DOK6: variants seen among roughly 807,000 people sequenced by gnomAD.
The protein encoded by DOK6 is docking protein 6.
Under a neutral mutation model 44.0 loss-of-function variants are expected in DOK6, and 22 were observed. The observed-to-expected ratio is 0.50, with a 90% CI of 0.36 to 0.71. The LOEUF is 0.71. DOK6 is among the 30% of genes least tolerant of loss of function. The pLI is 0.00. For synonymous variants in DOK6, 166 were observed against 145.5 expected, an observed-to-expected ratio of 1.14 and a Z score of -1.01; for missense variants, 340 against 416.4, an observed-to-expected ratio of 0.82 and a Z score of 1.60.
intron 3 of DOK6, among the ~76,000 whole-genome samples, chr18:69,665,134 T>C (rs1023492696): frequency 6.6e-6 from 1 of 151,992 alleles, no homozygotes; most frequent in Non-Finnish European, 1.5e-5. Flanking sequence ...TGAGCCGAGA[T>C]TGTGCCACTG....
chr18:69,434,410 TA>T (rs1360922350), intron 1 of DOK6, among the ~76,000 whole-genome samples: 5 of 152,134 alleles, frequency 3.3e-5, no homozygotes, highest in African/African-American at 1.2e-4. Flanking sequence ...ATGAAAGAAG[TA>T]ACAAGTGCCC....
intron 5 of DOK6, among the ~76,000 whole-genome samples, chr18:69,706,053 G>C (rs559796185): frequency 6.6e-6 from 1 of 152,174 alleles, no homozygotes; most frequent in African/African-American, 2.4e-5. Flanking sequence ...GGTCTCAAGC[G>C]AGAGAACTTG....
At chr18:69,832,439 T>C (rs2145133470) in intron 7 of DOK6, 1 of 152,290 alleles carries the variant, frequency 6.6e-6, no homozygotes, top group African/African-American at 2.4e-5. Flanking sequence ...TACTATTTTG[T>C]TGAGAATTTT....
intron 7 of DOK6, among the ~76,000 whole-genome samples, chr18:69,836,711 A>C (rs1349064913): frequency 6.6e-6 from 1 of 152,152 alleles, no homozygotes; most frequent in Non-Finnish European, 1.5e-5. Context: ...TCTGGAGGAA[A>C]AGTTTAGGAA....
In DOK6 at chr18:69,842,033, CAT is replaced by C. The variant is rs999870920; in HGVS notation, c.*651_*652del. 1 of 149,980 alleles carries C rather than the reference CAT, an allele frequency of 6.7e-6. No individual in the cohort carries two copies. The highest frequency in any genetic ancestry group is 1.5e-5 in the Non-Finnish European group (1 of 67,768). The allele number at this position is 149,980 out of a possible 1,614,324, so 9.3% of individuals were successfully genotyped here. On this transcript the variant is annotated 3_prime_UTR_variant, in exon 8 of 8. Coordinates refer to ENST00000382713, the MANE Select transcript of DOK6 (RefSeq NM_152721.6). ...CTATATATAACAAGTATATATCAAACATGTGCTGAGGGTGACAGGATATGCTC... is the reference window on the plus strand; with the variant it reads ...CTATATATAACAAGTATATATCAAACGTGCTGAGGGTGACAGGATATGCTC...
chr18:69,668,961 G>T (rs1985728641), intron 3 of DOK6, among the ~76,000 whole-genome samples: 1 of 151,980 alleles, frequency 6.6e-6, no homozygotes, highest in Admixed American at 6.6e-5. Context: ...AGTATGGTAG[G>T]GTTTTGTTTG....
In DOK6 at chr18:69,401,222, G is replaced by T. The variant is rs1254651331; in HGVS notation, c.-23G>T. Reference sequence around the variant, plus strand: ...GACTCCGGAGAGCGGATCGCGGGGCGCAGGAGCCCGATCGCGCTGGCCATG... The same window carrying T: ...GACTCCGGAGAGCGGATCGCGGGGCTCAGGAGCCCGATCGCGCTGGCCATG... On this transcript the variant is annotated 5_prime_UTR_variant, in exon 1 of 8. Coordinates refer to ENST00000382713, the MANE Select transcript of DOK6 (RefSeq NM_152721.6). 2 of 1,546,944 alleles carry T rather than the reference G, an allele frequency of 1.3e-6. No homozygotes were observed. Among genetic ancestry groups the T allele is most frequent in the Non-Finnish European group, 1.7e-6 (2 of 1,148,420 alleles).
At chr18:69,748,856 A>G (rs550853039) in intron 6 of DOK6, among the ~76,000 whole-genome samples, 2 of 152,318 alleles carry the variant, frequency 1.3e-5, no homozygotes, top group African/African-American at 2.4e-5. Flanking sequence ...ACAGGCATGC[A>G]TATGTTCACT....
chr18:69,437,623 T>G (rs1041362837), intron 1 of DOK6, among the ~76,000 whole-genome samples: 1 of 152,336 alleles, frequency 6.6e-6, no homozygotes, highest in South Asian at 2.1e-4. Context: ...AGCTTTGTTC[T>G]TTTTGCTTAG....
chr18:69,804,319 C>T lies in DOK6; in HGVS notation c.857-36925C>T, dbSNP rs114620030. Among the ~76,000 whole-genome samples, 497 of 152,220 alleles carry T rather than the reference C, an allele frequency of 3.3e-3. 3 individuals are homozygous for T. Among genetic ancestry groups the T allele is most frequent in the African/African-American group, 0.011 (471 of 41,552 alleles). ...TTATGATGTCTAAGAAGGTCAGTTG[C>T]TCAGAAAAATGAAGACATTTTGTGC... On this transcript the variant is annotated intron_variant, in intron 7 of 7. Transcript: ENST00000382713.
chr18:69,636,172 G>A (rs540489891), intron 3 of DOK6, among the ~76,000 whole-genome samples: 21 of 152,288 alleles, frequency 1.4e-4, no homozygotes, highest in African/African-American at 4.8e-4. Flanking sequence ...GGCACTAGTG[G>A]GGACTGATTA....
chr18:69,825,299 T>A (rs549421712), intron 7 of DOK6, among the ~76,000 whole-genome samples: 1 of 152,314 alleles, frequency 6.6e-6, no homozygotes, highest in East Asian at 1.9e-4. Context: ...TGGTTTACAT[T>A]AAAATACTCT....
chr18:69,410,307 T>A (rs554872525), intron 1 of DOK6, among the ~76,000 whole-genome samples: 1 of 152,370 alleles, frequency 6.6e-6, no homozygotes, highest in Admixed American at 6.5e-5. Flanking sequence ...CCTCACTGAA[T>A]TGGCCTGCCT....
chr18:69,569,730 T>C (rs1983069621), intron 2 of DOK6, among the ~76,000 whole-genome samples: 1 of 152,178 alleles, frequency 6.6e-6, no homozygotes, highest in Non-Finnish European at 1.5e-5. Context: ...GAAATCCTAA[T>C]ATAACTCATT....
intron 3 of DOK6, among the ~76,000 whole-genome samples, chr18:69,600,627 C>A (rs139264008): frequency 6.6e-4 from 101 of 152,132 alleles, no homozygotes; most frequent in African/African-American, 2.4e-3. Flanking sequence ...TGGTAAACCA[C>A]TTTATTTTTC....
At chr18:69,835,686 T>C (rs1259684017) in intron 7 of DOK6, among the ~76,000 whole-genome samples, 2 of 152,216 alleles carry the variant, frequency 1.3e-5, no homozygotes, top group Non-Finnish European at 2.9e-5. Context: ...CTCCTCTGTG[T>C]CTATCTAGGC....
At chr18:69,591,150 T>C (rs552883653) in intron 2 of DOK6, among the ~76,000 whole-genome samples, 1 of 152,302 alleles carries the variant, frequency 6.6e-6, no homozygotes, top group East Asian at 1.9e-4. Flanking sequence ...TATTCTCATT[T>C]TACTTAAGAA....
At chr18:69,578,222 C>A (rs1983282938) in intron 2 of DOK6, among the ~76,000 whole-genome samples, 1 of 151,994 alleles carries the variant, frequency 6.6e-6, no homozygotes. Flanking sequence ...TGTAAAGCAA[C>A]CGTCTATAAT....
chr18:69,556,620 G>A (rs747425706), intron 1 of DOK6, among the ~76,000 whole-genome samples: 8 of 151,954 alleles, frequency 5.3e-5, no homozygotes, highest in South Asian at 4.2e-4. Context: ...TATTTTATTC[G>A]TTTAAATTCT....
Sources: allele counts gnomAD v4.1 joint callset (sites outside exome capture counted in the v4.1 genomes callset), GRCh38; gene constraint gnomAD v4.1.1; transcripts MANE v1.5; gene names NCBI Gene and HGNC (gene_info 2026-07-23, HGNC 2026-07-21).